AP1S3: variants seen among roughly 807,000 people sequenced by gnomAD.
AP1S3 encodes AP-1 complex subunit sigma-3.
In AP1S3, 10 loss-of-function variants were observed where a neutral mutation model predicts 20.9. That is an observed-to-expected ratio of 0.48 (90% CI 0.29 to 0.81). The LOEUF is 0.81. Ranked by LOEUF, AP1S3 falls within the 30% of genes least tolerant of loss-of-function variation. The pLI is 0.08. For missense variants in AP1S3, 154 were observed against 183.8 expected (o/e 0.84, Z 0.94); for synonymous variants, 41 against 61.5 (o/e 0.67, Z 1.56).
At chr2:223,833,859 C>CTT (rs1692333870) in intron 1 of AP1S3, among the ~76,000 whole-genome samples, 1 of 151,986 alleles carries the variant, frequency 6.6e-6, no homozygotes, top group Admixed American at 6.6e-5. Flanking sequence ...GATTATGAAA[C>CTT]TTTTTGGATG....
chr2:223,830,153 C>T (rs941342875), intron 1 of AP1S3, among the ~76,000 whole-genome samples: 3 of 151,680 alleles, frequency 2.0e-5, no homozygotes, highest in African/African-American at 7.3e-5. Context: ...ATTTTGCATC[C>T]GGGAGCCAAA....
chr2:223,770,365 A>G, intron 3 of AP1S3: 1 of 1,548,658 alleles, frequency 6.5e-7, no homozygotes, highest in Middle Eastern at 1.7e-4. Flanking sequence ...AAAATTCTCC[A>G]GGAACTTCTT....
intron 1 of AP1S3, among the ~76,000 whole-genome samples, chr2:223,816,972 A>C (rs995174671): frequency 2.0e-5 from 3 of 152,112 alleles, no homozygotes; most frequent in African/African-American, 7.2e-5. Context: ...TAAAAATACA[A>C]ACATTAGCTA....
At chr2:223,776,041 G>C (rs770039598) in intron 2 of AP1S3, 32 bp from the exon 3 acceptor site, 13 of 1,555,876 alleles carry the variant, frequency 8.4e-6, no homozygotes, top group Non-Finnish European at 1.1e-5. Flanking sequence ...AGCAAAATAT[G>C]ACAATACATT....
chr2:223,771,199 TG>T (rs1034615609), intron 3 of AP1S3, among the ~76,000 whole-genome samples: 1 of 151,858 alleles, frequency 6.6e-6, no homozygotes, highest in Non-Finnish European at 1.5e-5. Flanking sequence ...TAGCCAGGCA[TG>T]GTGGCACACG....
chr2:223,770,241 G>A (rs1328214906), intron 3 of AP1S3: 2 of 1,550,792 alleles, frequency 1.3e-6, no homozygotes, highest in African/African-American at 2.7e-5. Flanking sequence ...GTAGCAAGCT[G>A]AGGAACCTCG....
chr2:223,789,211 C>CAT, intron 1 of AP1S3, among the ~76,000 whole-genome samples: 1 of 150,770 alleles, frequency 6.6e-6, no homozygotes, highest in African/African-American at 2.4e-5. Context: ...CACATACACA[C>CAT]ACACAGAGTA....
In AP1S3 at chr2:223,777,389, C is replaced by T. The variant is rs72966377; in HGVS notation, c.182+302G>A. ...CAGCCTGGGTGACAGAGCAAGATTC[C>T]GCCTCCAACAAATTAAAAAAGAACA... is the stretch of plus-strand genomic sequence containing the variant. On this transcript the variant is annotated intron_variant, in intron 2 of 4. Transcript: ENST00000396654. Among the ~76,000 whole-genome samples, 850 of 151,742 alleles carry T rather than the reference C, an allele frequency of 5.6e-3. 6 individuals carry two copies. Among genetic ancestry groups the T allele is most frequent in the Middle Eastern group, 0.024 (7 of 286 alleles).
chr2:223,833,555 T>C (rs1349876134), intron 1 of AP1S3, among the ~76,000 whole-genome samples: 1 of 152,112 alleles, frequency 6.6e-6, no homozygotes, highest in Non-Finnish European at 1.5e-5. Flanking sequence ...AAGAACCATT[T>C]TCTGTGTGTA....
chr2:223,812,981 T>C (rs984477426), intron 1 of AP1S3, among the ~76,000 whole-genome samples: 15 of 151,782 alleles, frequency 9.9e-5, no homozygotes, highest in African/African-American at 3.6e-4. Flanking sequence ...CAGGCTGGAG[T>C]GAGGTGGCAT....
chr2:223,766,541 A>G (rs546240948), intron 3 of AP1S3, among the ~76,000 whole-genome samples: 3 of 152,226 alleles, frequency 2.0e-5, no homozygotes, highest in Non-Finnish European at 2.9e-5. Context: ...CGATCATTAA[A>G]AAGTCAGGAA....
Position 223,755,417 on chromosome 2 carries a change from TATATA to T in AP1S3, c.*3293_*3297del, listed in dbSNP as rs1285584673. 1.3e-5 allele frequency among the ~76,000 whole-genome samples: 2 copies of T among 152,132 alleles called. No homozygotes were observed. Among genetic ancestry groups the T allele is most frequent in the African/African-American group, 2.4e-5 (1 of 41,426 alleles). Reference sequence around the variant, plus strand: ...TTTCTCTTGGTAGTTTTATAGTAATTATATAATATAAAGAAAACACAATGACTATT... The same window carrying T: ...TTTCTCTTGGTAGTTTTATAGTAATTATATAAAGAAAACACAATGACTATT... On this transcript the variant is annotated 3_prime_UTR_variant, in exon 5 of 5. Transcript: ENST00000396654.
chr2:223,801,741 G>A (rs1691472763), intron 1 of AP1S3, among the ~76,000 whole-genome samples: 1 of 152,076 alleles, frequency 6.6e-6, no homozygotes, highest in Non-Finnish European at 1.5e-5. Context: ...ACTGCACCCG[G>A]CCCATGAGAG....
At chr2:223,833,882 T>TTTTTTTTA (rs111733279) in intron 1 of AP1S3, among the ~76,000 whole-genome samples, 1 of 145,940 alleles carries the variant, frequency 6.9e-6, no homozygotes, top group African/African-American at 2.5e-5. Context: ...TTTACACTCT[T>TTTTTTTTA]TTTATTTATT....
chr2:223,826,586 C>A (rs1214167660), intron 1 of AP1S3, among the ~76,000 whole-genome samples: 1 of 138,856 alleles, frequency 7.2e-6, no homozygotes, highest in Non-Finnish European at 1.6e-5. Flanking sequence ...GAGAGAGACT[C>A]CGTCTCAGAA....
intron 1 of AP1S3, among the ~76,000 whole-genome samples, chr2:223,796,255 C>T (rs597606): frequency 0.48 from 73,669 of 152,006 alleles, 18,492 homozygotes; most frequent in African/African-American, 0.61. Flanking sequence ...TCAAGGCAGG[C>T]AAAAACAATC....
In AP1S3 at chr2:223,757,209, A is replaced by C. The variant is rs1690244191; in HGVS notation, c.*1506T>G. 5.9e-6 allele frequency: 1 copy of C among 168,104 alleles called. No homozygotes were observed. The highest frequency in any genetic ancestry group is 2.4e-5 in the African/African-American group (1 of 41,730). 10.4% of individuals were successfully genotyped at this position (168,104 alleles called of 1,614,324 possible). On this transcript the variant is annotated 3_prime_UTR_variant, in exon 5 of 5. Coordinates refer to ENST00000396654, the MANE Select transcript of AP1S3 (RefSeq NM_001039569.2). ...CGCTCTGTCGCCCAGGCTGGAGTGC[A>C]GTGGCACAATCTCAGCTCACTGCAA...
At chr2:223,793,662 T>C (rs979423894) in intron 1 of AP1S3, among the ~76,000 whole-genome samples, 9 of 152,250 alleles carry the variant, frequency 5.9e-5, no homozygotes, top group African/African-American at 2.2e-4. Context: ...GGTGATGGGA[T>C]GATCTGTGCA....
In AP1S3 at chr2:223,756,907, C is replaced by T. The variant is rs1690235101; in HGVS notation, c.*1808G>A. On this transcript the variant is annotated 3_prime_UTR_variant, in exon 5 of 5. Coordinates refer to ENST00000396654, the MANE Select transcript of AP1S3 (RefSeq NM_001039569.2). ...CACTCTAATATGAATGATACCAGAC[C>T]TCAAAGCTAACATTGAAAATGCACA... 2 of 985,378 alleles carry T rather than the reference C, an allele frequency of 2.0e-6. No homozygotes were observed. Among genetic ancestry groups the T allele is most frequent in the Non-Finnish European group, 2.4e-6 (2 of 829,940 alleles). The allele number at this position is 985,378 out of a possible 1,614,324, so 61.0% of individuals were successfully genotyped here. A position where few individuals can be genotyped will look rare whatever the true frequency, so the allele number is the denominator to read the frequency against.
Sources: gnomAD v4.1 joint callset for allele counts (sites outside exome capture counted in the v4.1 genomes callset) on GRCh38, gnomAD v4.1.1 for gene constraint, MANE v1.5 for transcripts, NCBI Gene and HGNC (gene_info 2026-07-23, HGNC 2026-07-21) for gene names.